The following CCSER1 variants were observed in gnomAD, a reference collection of about 807,000 sequenced individuals.
The protein encoded by CCSER1 is serine-rich coiled-coil domain-containing protein 1.
Under a neutral mutation model 82.0 loss-of-function variants are expected in CCSER1, and 41 were observed. The ratio of observed to expected loss-of-function variants is 0.50; its 90% CI spans 0.39 to 0.65. The LOEUF (loss-of-function observed/expected upper bound fraction) is 0.65, where lower values mean the gene tolerates loss of function less well. Among genes scored for constraint, CCSER1 ranks in the 30% least tolerant of loss-of-function variants. The pLI is 0.00. For synonymous variants in CCSER1, 414 were observed against 383.9 expected, an observed-to-expected ratio of 1.08 and a Z score of -0.92; for missense variants, 1,119 against 1,064.2, an observed-to-expected ratio of 1.05 and a Z score of -0.72.
At chr4:91,173,838 A>T (rs1733028173) in intron 10 of CCSER1, among the ~76,000 whole-genome samples, 1 of 152,210 alleles carries the variant, frequency 6.6e-6, no homozygotes, top group Non-Finnish European at 1.5e-5. Flanking sequence ...ATAACCCAAT[A>T]GACCTATGTT....
chr4:91,266,870 T>C (rs1741634217), intron 10 of CCSER1, among the ~76,000 whole-genome samples: 1 of 152,194 alleles, frequency 6.6e-6, no homozygotes, highest in Admixed American at 6.5e-5. Context: ...TTTGGTATTA[T>C]CATTCTTACT....
At chr4:90,568,055 T>G (rs1189159415) in intron 5 of CCSER1, among the ~76,000 whole-genome samples, 1 of 152,250 alleles carries the variant, frequency 6.6e-6, no homozygotes, top group East Asian at 1.9e-4. Flanking sequence ...GAAAATATAT[T>G]TGATACAATT....
chr4:90,398,526 CT>C (rs1752361749), intron 3 of CCSER1, among the ~76,000 whole-genome samples: 1 of 152,172 alleles, frequency 6.6e-6, no homozygotes, highest in Admixed American at 6.5e-5. Flanking sequence ...AAAATTCTCC[CT>C]TTAAAAAGCT....
chr4:91,254,700 G>T (rs752228328), intron 10 of CCSER1, among the ~76,000 whole-genome samples: 1 of 152,042 alleles, frequency 6.6e-6, no homozygotes, highest in African/African-American at 2.4e-5. Flanking sequence ...TAAATTTTAT[G>T]TCATGTGTAC....
chr4:90,709,998 G>T (rs980967984), intron 6 of CCSER1, among the ~76,000 whole-genome samples: 3 of 149,340 alleles, frequency 2.0e-5, no homozygotes, highest in Non-Finnish European at 4.4e-5. Context: ...GTGTGAGATG[G>T]TATCTCATAG....
At chr4:91,142,656 G>T (rs895818781) in intron 10 of CCSER1, among the ~76,000 whole-genome samples, 4 of 152,060 alleles carry the variant, frequency 2.6e-5, no homozygotes, top group Admixed American at 6.6e-5. Context: ...ACAAGTATAC[G>T]AGAATTGAAA....
intron 10 of CCSER1, among the ~76,000 whole-genome samples, chr4:91,245,800 G>A (rs935305246): frequency 1.3e-5 from 2 of 152,100 alleles, no homozygotes; most frequent in Admixed American, 6.5e-5. Context: ...AGGTTCAAAC[G>A]ATTCTCCTGC....
At chr4:90,385,590 G>A (rs1749907915) in intron 3 of CCSER1, among the ~76,000 whole-genome samples, 1 of 151,184 alleles carries the variant, frequency 6.6e-6, no homozygotes, top group Non-Finnish European at 1.5e-5. Flanking sequence ...CTCCCGAGTA[G>A]CTAGGACTAC....
At chr4:90,285,844 A>G (rs1473024392) in intron 1 of CCSER1, among the ~76,000 whole-genome samples, 3 of 151,908 alleles carry the variant, frequency 2.0e-5, no homozygotes, top group African/African-American at 7.2e-5. Context: ...TTTATCATGA[A>G]GGGATGTTGA....
At chr4:90,248,949 G>A (rs1578743954) in intron 1 of CCSER1, among the ~76,000 whole-genome samples, 3 of 152,018 alleles carry the variant, frequency 2.0e-5, no homozygotes, top group East Asian at 1.9e-4. Flanking sequence ...ATCCGCCTTG[G>A]CTTCCTAGAA....
intron 4 of CCSER1, among the ~76,000 whole-genome samples, chr4:90,417,400 C>G (rs115811056): frequency 6.6e-6 from 1 of 151,700 alleles, no homozygotes; most frequent in African/African-American, 2.4e-5. Context: ...ATCATTAATA[C>G]TCAAAGAGAA....
chr4:91,471,504 T>C (rs1427984674), intron 10 of CCSER1, among the ~76,000 whole-genome samples: 1 of 152,094 alleles, frequency 6.6e-6, no homozygotes, highest in Non-Finnish European at 1.5e-5. Context: ...TGAGGTAATA[T>C]GGATAGGCTA....
chr4:91,423,999 ATCTTTTTT>A (rs1753824557), intron 10 of CCSER1, among the ~76,000 whole-genome samples: 1 of 89,632 alleles, frequency 1.1e-5, no homozygotes, highest in South Asian at 4.4e-4. Flanking sequence ...AACTCAGCAG[ATCTTTTTT>A]TTTTTTTTTT....
chr4:91,274,826 C>A (rs897942127), intron 10 of CCSER1, among the ~76,000 whole-genome samples: 2 of 152,144 alleles, frequency 1.3e-5, no homozygotes. Context: ...AATTTATTGG[C>A]CTGGCGCAGT....
intron 6 of CCSER1, among the ~76,000 whole-genome samples, chr4:90,670,744 G>C (rs915969071): frequency 2.0e-5 from 3 of 151,934 alleles, no homozygotes; most frequent in Admixed American, 6.6e-5. Flanking sequence ...TCATTAAACT[G>C]TCACTGAGTA....
chr4:90,364,257 C>G (rs977069180), intron 3 of CCSER1, among the ~76,000 whole-genome samples: 1 of 151,970 alleles, frequency 6.6e-6, no homozygotes, highest in African/African-American at 2.4e-5. Flanking sequence ...TTGTCTGTCT[C>G]TCTCCCCCAA....
At chr4:90,193,407 A>C (rs1168326821) in intron 1 of CCSER1, among the ~76,000 whole-genome samples, 1 of 152,106 alleles carries the variant, frequency 6.6e-6, no homozygotes, top group African/African-American at 2.4e-5. Flanking sequence ...AAGGATATTG[A>C]ATTTGGAATT....
At chr4:90,293,881 A>G (rs867440198) in intron 1 of CCSER1, among the ~76,000 whole-genome samples, 1 of 151,940 alleles carries the variant, frequency 6.6e-6, no homozygotes. Context: ...TCATAATGCT[A>G]CATACTTCTA....
intron 10 of CCSER1, among the ~76,000 whole-genome samples, chr4:91,093,558 A>G (rs1318392420): frequency 6.6e-6 from 1 of 152,178 alleles, no homozygotes; most frequent in Non-Finnish European, 1.5e-5. Flanking sequence ...TCTGCTTCTT[A>G]TGCTAACAGG....
Sources: allele counts gnomAD v4.1 joint callset (sites outside exome capture counted in the v4.1 genomes callset), GRCh38; gene constraint gnomAD v4.1.1; transcripts MANE v1.5; gene names NCBI Gene and HGNC (gene_info 2026-07-23, HGNC 2026-07-21).